The following HIVEP1 variants were observed in gnomAD, a reference collection of about 807,000 sequenced individuals.
HIVEP1 encodes the protein HIVEP zinc finger 1.
HIVEP1 carries 36 observed loss-of-function variants against 180.0 expected under a neutral mutation model. That is an observed-to-expected ratio of 0.20 (90% CI 0.15 to 0.26). The LOEUF is 0.26. HIVEP1 is among the 10% of genes least tolerant of loss of function. HIVEP1 has a pLI of 1.00. For synonymous variants in HIVEP1, 1,239 were observed against 1,239.0 expected (o/e 1.00, Z 0.00); for missense variants, 3,143 against 3,268.7 (o/e 0.96, Z 0.94).
At chr6:12,126,018 T>C (rs1581740858) in intron 4 of HIVEP1, 148 bp downstream of exon 4, 4 of 608,098 alleles carry the variant, frequency 6.6e-6, no homozygotes, top group East Asian at 2.8e-5. Flanking sequence ...CAGGGTGATA[T>C]ATTTACCCCA....
rs978498387 is a variant in HIVEP1, at chr6:12,060,618, G to A, written c.41-28566G>A. Among the ~76,000 whole-genome samples, 10 of 152,238 alleles carry A rather than the reference G, an allele frequency of 6.6e-5. No individual in the cohort carries two copies. The East Asian group carries it at 1.9e-3, about 29-fold the overall frequency. Reference sequence around the variant, plus strand: ...TTACAGGATAGTTAATATCTTAAAGGACTCTTATCTCAAATACTAGGATGC... The same window carrying A: ...TTACAGGATAGTTAATATCTTAAAGAACTCTTATCTCAAATACTAGGATGC... On this transcript the variant is annotated intron_variant, in intron 2 of 8. Transcript: ENST00000379388.
intron 3 of HIVEP1, among the ~76,000 whole-genome samples, chr6:12,117,751 G>A (rs1043589126): frequency 4.6e-5 from 7 of 152,166 alleles, no homozygotes; most frequent in Admixed American, 3.9e-4. Context: ...TTATTTTTAA[G>A]TCCATGGTGT....
chr6:12,078,664 CAT>C (rs1232946265), intron 2 of HIVEP1, among the ~76,000 whole-genome samples: 5 of 132,602 alleles, frequency 3.8e-5, no homozygotes, highest in South Asian at 4.7e-4. Context: ...CATATATATA[CAT>C]ATATATACAC....
chr6:12,046,165 T>G (rs1770102129), intron 2 of HIVEP1, among the ~76,000 whole-genome samples: 1 of 152,260 alleles, frequency 6.6e-6, no homozygotes, highest in Non-Finnish European at 1.5e-5. Context: ...TTTGTAGATT[T>G]TATAGACTTT....
intron 4 of HIVEP1, among the ~76,000 whole-genome samples, chr6:12,128,778 CA>C: frequency 6.6e-6 from 1 of 152,192 alleles, no homozygotes; most frequent in Non-Finnish European, 1.5e-5. Flanking sequence ...GAAAACCACA[CA>C]TCGTTTATCA....
upstream of HIVEP1, chr6:12,008,120 G>T (rs1404379394): frequency 6.6e-6 from 1 of 152,108 alleles, no homozygotes; most frequent in Non-Finnish European, 1.5e-5. Context: ...TATATCCAGT[G>T]TCTGCTAGTG....
At chr6:12,177,924 GTGTT>G in the HIVEP1 span, among the ~76,000 whole-genome samples, 3 of 152,280 alleles carry the variant, frequency 2.0e-5, no homozygotes, top group East Asian at 1.9e-4. Context: ...ATATTTGAAA[GTGTT>G]TGCGTTGGGT....
At chr6:12,113,694 T>C (rs1169957717) in intron 3 of HIVEP1, among the ~76,000 whole-genome samples, 3 of 152,182 alleles carry the variant, frequency 2.0e-5, no homozygotes, top group Non-Finnish European at 4.4e-5. Flanking sequence ...ACTCTACTAA[T>C]AGATGAACAG....
chr6:12,167,843 A>T (rs1048287194), downstream of HIVEP1, among the ~76,000 whole-genome samples: 1 of 144,946 alleles, frequency 6.9e-6, no homozygotes, highest in Non-Finnish European at 1.5e-5. Flanking sequence ...ACACATGTAC[A>T]TGTATAGATG....
chr6:12,030,982 A>G (rs1037991949), intron 2 of HIVEP1, among the ~76,000 whole-genome samples: 1 of 151,844 alleles, frequency 6.6e-6, no homozygotes, highest in Non-Finnish European at 1.5e-5. Context: ...TATTTCTCTC[A>G]TGTTGTGTGG....
At chr6:12,203,024 AT>A in the HIVEP1 span, among the ~76,000 whole-genome samples, 1 of 152,168 alleles carries the variant, frequency 6.6e-6, no homozygotes, top group Admixed American at 6.5e-5. Context: ...AAGGACAAAC[AT>A]TTTCAGATGT....
Position 12,164,144 on chromosome 6 carries a change from G to A in HIVEP1, c.7840G>A (p.Val2614Ile). 6.2e-7 allele frequency: 1 copy of A among 1,614,178 alleles called. No individual in the cohort carries two copies. Among genetic ancestry groups the A allele is most frequent in the South Asian group, 1.1e-5 (1 of 91,090 alleles). Residue 2614 changes from valine to isoleucine, a missense_variant, in exon 9 of 9, where the codon GTT becomes ATT. By Grantham distance (29) the Val-to-Ile change is conservative. Coordinates refer to ENST00000379388, the MANE Select transcript of HIVEP1 (RefSeq NM_002114.4). ...AGTCCAGCGGGAAAATGCAAAAAAA[G>A]TTCTGAATCCACCTGCCCCTGCAGG... ...PTVQRENAKK[V>I]LNPPAPAGDH... is the part of the protein sequence containing the mutation.
Position 12,163,947 on chromosome 6 carries a change from A to G in HIVEP1, c.7643A>G (p.Asn2548Ser), listed in dbSNP as rs1760580159. The G allele has an allele frequency of 2.5e-6, 4 of 1,614,122 alleles. No individual in the cohort carries two copies. The East Asian group carries it at 8.9e-5, about 36-fold the overall frequency. The change falls in exon 9 of 9, where the codon AAC becomes AGC. Residue 2548 changes from asparagine to serine, a missense_variant. This residue lies in a region of HIVEP1 where 595 missense variants were observed against 602.2 expected (regional missense o/e 0.99). Coordinates refer to ENST00000379388, the MANE Select transcript of HIVEP1 (RefSeq NM_002114.4). ...CACATTCCAGGTCTCCAGATCTTGA[A>G]CATAGCATTGCCCACCTTAATCCCC... is the stretch of plus-strand genomic sequence containing the variant. ...QAHIPGLQIL[N>S]IALPTLIPSV...
In HIVEP1 at chr6:12,100,737, A is replaced by G. The variant is rs934525538; in HGVS notation, c.94+11500A>G. 3.9e-5 allele frequency among the ~76,000 whole-genome samples: 6 copies of G among 152,214 alleles called. No homozygotes were observed. In the South Asian group the frequency reaches 1.0e-3, roughly 26 times the overall value. On this transcript the variant is annotated intron_variant, in intron 3 of 8. Coordinates refer to ENST00000379388, the MANE Select transcript of HIVEP1 (RefSeq NM_002114.4). ...ACCTGTAAAAATAACAGCAGAATAC[A>G]GGGTGAGTATCCCTAATCTGAAAAT...
rs150509496 is a variant in HIVEP1 at position 12,133,535 on chromosome 6, A to G, written c.6386-2256A>G. 5.6e-3 allele frequency among the ~76,000 whole-genome samples: 848 copies of G among 152,352 alleles called. 7 individuals are homozygous for G. The highest frequency in any genetic ancestry group is 9.9e-3 in the South Asian group (48 of 4,834). ...AAATGCAGATTTTTGTTTATTTTAC[A>G]TTAGGAAGTTGATTCATAATAAGTA... On this transcript the variant is annotated intron_variant, in intron 6 of 8. Transcript: ENST00000379388.
downstream of HIVEP1, among the ~76,000 whole-genome samples, chr6:12,167,665 C>CATGTA (rs1562023726): frequency 1.3e-5 from 1 of 79,112 alleles, no homozygotes; most frequent in Admixed American, 1.3e-4. Context: ...GTTATATATA[C>CATGTA]ATATATACAT....
chr6:12,088,987 T>C (rs1773284321), intron 2 of HIVEP1, among the ~76,000 whole-genome samples, 197 bp from the exon 3 acceptor site: 1 of 152,160 alleles, frequency 6.6e-6, no homozygotes, highest in Admixed American at 6.6e-5. Flanking sequence ...AAATAGTCCT[T>C]GTGACTAAGA....
intron 2 of HIVEP1, among the ~76,000 whole-genome samples, chr6:12,073,648 C>T (rs1772138089): frequency 2.0e-5 from 3 of 152,162 alleles, no homozygotes; most frequent in Admixed American, 2.0e-4. Context: ...GGTCACTCTC[C>T]AGCACTTTCA....
intron 2 of HIVEP1, among the ~76,000 whole-genome samples, chr6:12,075,477 A>T (rs1038332250): frequency 6.6e-6 from 1 of 151,882 alleles, no homozygotes; most frequent in Non-Finnish European, 1.5e-5. Context: ...TAGCTGCTTC[A>T]CCTCACTCGT....
Sources: gnomAD v4.1 joint callset for allele counts (sites outside exome capture counted in the v4.1 genomes callset) on GRCh38, gnomAD v4.1.1 for gene constraint, gnomAD v4.1.1 regional missense constraint, MANE v1.5 for transcripts, NCBI Gene and HGNC (gene_info 2026-07-23, HGNC 2026-07-21) for gene names.